The following PEA15 variants were observed in gnomAD, a reference collection of about 807,000 sequenced individuals.
PEA15 encodes proliferation and apoptosis adaptor protein 15.
For missense variants in PEA15, 77 were observed against 161.3 expected (o/e 0.48, Z 2.83); for synonymous variants, 60 against 61.8 (o/e 0.97, Z 0.13).
intron 1 of PEA15, 117 bp from the exon 2 acceptor site, chr1:160,211,426 T>A (rs936117586): frequency 1.5e-6 from 2 of 1,364,894 alleles, no homozygotes; most frequent in Non-Finnish European, 1.9e-6. Flanking sequence ...CCAGCCTCCA[T>A]GTTCCAGGCA....
chr1:160,206,234 G>A (rs1654582425), intron 1 of PEA15: 1 of 152,302 alleles, frequency 6.6e-6, no homozygotes, highest in Admixed American at 6.5e-5. Flanking sequence ...GGCATCCCAT[G>A]AGGAGTCTTC....
Position 160,205,729 on chromosome 1 carries a change from G to T in PEA15, c.-3+207G>T. The T allele has an allele frequency of 6.6e-6, 1 of 152,448 alleles. No homozygotes were observed. The highest frequency in any genetic ancestry group is 1.5e-5 in the Non-Finnish European group (1 of 68,154). The allele number at this position is 152,448 out of a possible 1,614,324, so 9.4% of individuals were successfully genotyped here. A position where few individuals can be genotyped will look rare whatever the true frequency, so the allele number is the denominator to read the frequency against. On this transcript the variant is annotated intron_variant, in intron 1 of 3. Coordinates refer to ENST00000360472, the MANE Select transcript of PEA15 (RefSeq NM_003768.5). This position sits in a 1 kb window ranked among gnomAD's most constrained non-coding sequence, Gnocchi z 5.9. ...GTGTGCTGGAGGCGGCGTGGCTCCGGCCAGCCCGTTCCACGCTGAACGGCA... is the reference window on the plus strand; with the variant it reads ...GTGTGCTGGAGGCGGCGTGGCTCCGTCCAGCCCGTTCCACGCTGAACGGCA...
intron 1 of PEA15, among the ~76,000 whole-genome samples, chr1:160,209,636 C>G (rs556218070): frequency 1.4e-4 from 21 of 152,290 alleles, no homozygotes; most frequent in African/African-American, 4.6e-4. Flanking sequence ...AATCCTGCCC[C>G]CTTTTCCAGC....
rs1263567506 is a variant in PEA15, at chr1:160,213,195, G to C, written c.258G>C (p.Val86=). Residue 86 remains valine (V), a synonymous_variant, in exon 3 of 4, where the codon GTG becomes GTC. Transcript: ENST00000360472. The surrounding 1 kb of genome is among the most constrained non-coding windows in gnomAD (Gnocchi z 5.3). The part of the protein sequence containing the change: ...LTMVVDYRTR[V]LKISEEDELD... ...TGGTGGTTGACTACAGAACCCGTGT[G>C]CTGAAGATCTCTGAGGAGGATGAGC... 6.2e-7 allele frequency: 1 copy of C among 1,614,074 alleles called. No homozygotes were observed. The highest frequency in any genetic ancestry group is 2.2e-5 in the East Asian group (1 of 44,900).
At chr1:160,207,350 C>T (rs1654642812) in intron 1 of PEA15, 1 of 152,320 alleles carries the variant, frequency 6.6e-6, no homozygotes, top group African/African-American at 2.4e-5. Context: ...TGGAGAGAGA[C>T]AGAAATAGAA....
Position 160,205,674 on chromosome 1 carries a change from C to G in PEA15, c.-3+152C>G, listed in dbSNP as rs1240803044. On this transcript the variant is annotated intron_variant, in intron 1 of 3. Transcript: ENST00000360472. The surrounding 1 kb of genome is among the most constrained non-coding windows in gnomAD (Gnocchi z 5.9). ...TTGTGTCAGGCCTCACGGGGTCCGTCCCTCGGTCGGTGCGTCCCGAGCGCC... is the reference window on the plus strand; with the variant it reads ...TTGTGTCAGGCCTCACGGGGTCCGTGCCTCGGTCGGTGCGTCCCGAGCGCC... 6.6e-6 allele frequency: 1 copy of G among 152,350 alleles called. No individual in the cohort carries two copies. Among genetic ancestry groups the G allele is most frequent in the African/African-American group, 2.4e-5 (1 of 41,448 alleles). The allele number at this position is 152,350 out of a possible 1,614,324, so 9.4% of individuals were successfully genotyped here. A position where few individuals can be genotyped will look rare whatever the true frequency, so the allele number is the denominator to read the frequency against.
At position 160,208,873 on chromosome 1, in the gene PEA15, G is replaced by A. The variant is rs1000595428; in HGVS notation, c.-2-2670G>A. 4 of 557,070 alleles carry A rather than the reference G, an allele frequency of 7.2e-6. No individual in the cohort carries two copies. Among genetic ancestry groups the A allele is most frequent in the African/African-American group, 3.8e-5 (2 of 52,740 alleles). 34.5% of individuals were successfully genotyped at this position (557,070 alleles called of 1,614,324 possible). ...CCCTACACTCCTCCCATCTAGTGGT[G>A]TCATCCTAACGACTGGGGGTGGGGG... On this transcript the variant is annotated intron_variant, in intron 1 of 3. Transcript: ENST00000360472. This position sits in a 1 kb window ranked among gnomAD's most constrained non-coding sequence, Gnocchi z 4.1.
intron 1 of PEA15, among the ~76,000 whole-genome samples, chr1:160,206,816 C>T (rs780708805): frequency 3.2e-4 from 49 of 152,242 alleles, no homozygotes; most frequent in Admixed American, 9.1e-4. Context: ...GAAAGTGGTA[C>T]GTGTGTCTGG....
intron 2 of PEA15, 71 bp downstream of exon 2, chr1:160,211,787 G>A: frequency 6.8e-7 from 1 of 1,465,990 alleles, no homozygotes; most frequent in South Asian, 1.3e-5. Flanking sequence ...ATAGAGATGA[G>A]CTCAAAGCTT....
rs533667319 is a variant in PEA15 at position 160,207,764 on chromosome 1, G to A, written c.-3+2242G>A. Among the ~76,000 whole-genome samples, 27 of 152,242 alleles carry A rather than the reference G, an allele frequency of 1.8e-4. 1 individual carries two copies. The Middle Eastern group carries it at 0.014, about 77-fold the overall frequency. ...TGATATTAAAGGAAATAAACTACAG[G>A]ACTGCTTGAATTTGGGGCCCAGTTA... On this transcript the variant is annotated intron_variant, in intron 1 of 3. Coordinates refer to ENST00000360472, the MANE Select transcript of PEA15 (RefSeq NM_003768.5).
In PEA15 at chr1:160,211,697, C is replaced by T. The variant is rs1283634159; in HGVS notation, c.153C>T (p.Ser51=). ...GTGCCTGGTTTAGCTTCCTGGAGAGCCACAACAAGCTGGACAAAGGTGGGG... is the reference window on the plus strand; with the variant it reads ...GTGCCTGGTTTAGCTTCCTGGAGAGTCACAACAAGCTGGACAAAGGTGGGG... The part of the protein sequence containing the change: ...TGSAWFSFLE[S]HNKLDKDNLS... The change falls in exon 2 of 4, where the codon AGC becomes AGT. Residue 51 remains serine (S), a synonymous_variant. Transcript: ENST00000360472. 13 of 1,613,338 alleles carry T rather than the reference C, an allele frequency of 8.1e-6. No homozygotes were observed. The highest frequency in any genetic ancestry group is 1.7e-5 in the Admixed American group (1 of 59,946).
At chr1:160,209,510 G>A (rs1013988806) in intron 1 of PEA15, among the ~76,000 whole-genome samples, 5 of 146,690 alleles carry the variant, frequency 3.4e-5, no homozygotes, top group South Asian at 4.4e-4. Context: ...AACTCCTCCC[G>A]ACACACACAC....
chr1:160,207,719 A>G (rs1052407036), intron 1 of PEA15, among the ~76,000 whole-genome samples: 2 of 152,214 alleles, frequency 1.3e-5, no homozygotes, highest in Non-Finnish European at 2.9e-5. Context: ...AAAAAGCTTA[A>G]AGAAGAAATT....
In PEA15 at chr1:160,213,492, GGGGA is replaced by G. The variant is rs1314251123; in HGVS notation, c.*9_*12del. ...CCCCACCGAAGAAGGCCTGAGCAAGGGGGAGGAAGAGGAGGAAGGTTGGACCTTC... is the reference window on the plus strand; with the variant it reads ...CCCCACCGAAGAAGGCCTGAGCAAGGGGAAGAGGAGGAAGGTTGGACCTTC... On this transcript the variant is annotated 3_prime_UTR_variant, in exon 4 of 4. Coordinates refer to ENST00000360472, the MANE Select transcript of PEA15 (RefSeq NM_003768.5). This position sits in a 1 kb window ranked among gnomAD's most constrained non-coding sequence, Gnocchi z 5.3. 3 of 1,613,562 alleles carry G rather than the reference GGGGA, an allele frequency of 1.9e-6. No individual in the cohort carries two copies. In the African/African-American group the frequency reaches 4.0e-5, roughly 22 times the overall value.
chr1:160,211,489 C>T (rs1654874322), intron 1 of PEA15, 54 bp from the exon 2 acceptor site: 7 of 1,523,532 alleles, frequency 4.6e-6, no homozygotes, highest in Non-Finnish European at 6.2e-6. Context: ...GTGAGTAAAC[C>T]AGACTCCATA....
At position 160,208,921 on chromosome 1, in the gene PEA15, T is replaced by C; in HGVS notation, c.-2-2622T>C. 1 of 514,630 alleles carries C rather than the reference T, an allele frequency of 1.9e-6. No individual in the cohort carries two copies. The highest frequency in any genetic ancestry group is 3.5e-6 in the Non-Finnish European group (1 of 285,652). 31.9% of individuals were successfully genotyped at this position (514,630 alleles called of 1,614,324 possible). On this transcript the variant is annotated intron_variant, in intron 1 of 3. Coordinates refer to ENST00000360472, the MANE Select transcript of PEA15 (RefSeq NM_003768.5). This position sits in a 1 kb window ranked among gnomAD's most constrained non-coding sequence, Gnocchi z 4.1. ...GGGGCACCCAGAACTGAGGTTGCTA[T>C]AGTAACAGATGAGATGAGGCTACAG...
intron 1 of PEA15, among the ~76,000 whole-genome samples, chr1:160,207,696 C>G (rs12094501): frequency 6.6e-6 from 1 of 152,074 alleles, no homozygotes; most frequent in South Asian, 2.1e-4. Context: ...CCTCCTCCCC[C>G]ACAAAGCTGG....
In PEA15 at chr1:160,214,830, G is replaced by A. The variant is rs978941429; in HGVS notation, c.*1344G>A. ...GACTATTTAGACAAAGTTCAAGTTA[G>A]GAGCTTTTAGGATGTGGGAGTAAAA... On this transcript the variant is annotated 3_prime_UTR_variant, in exon 4 of 4. Coordinates refer to ENST00000360472, the MANE Select transcript of PEA15 (RefSeq NM_003768.5). 1.3e-5 allele frequency: 2 copies of A among 152,642 alleles called. No individual in the cohort carries two copies. The highest frequency in any genetic ancestry group is 2.9e-5 in the Non-Finnish European group (2 of 68,054). 9.5% of individuals were successfully genotyped at this position (152,642 alleles called of 1,614,324 possible). A position where few individuals can be genotyped will look rare whatever the true frequency, so the allele number is the denominator to read the frequency against.
intron 2 of PEA15, among the ~76,000 whole-genome samples, chr1:160,212,449 A>G (rs912291789): frequency 1.3e-5 from 2 of 152,098 alleles, no homozygotes; most frequent in Non-Finnish European, 2.9e-5. Context: ...GAGTGAACTC[A>G]GGGCCCTTCA....
Sources: gnomAD v4.1 joint callset for allele counts (sites outside exome capture counted in the v4.1 genomes callset) on GRCh38, gnomAD v4.1.1 for gene constraint, Gnocchi (gnomAD v3.1) non-coding constraint, MANE v1.5 for transcripts, NCBI Gene and HGNC (gene_info 2026-07-23, HGNC 2026-07-21) for gene names.